MOB2: variants seen among roughly 807,000 people sequenced by gnomAD.
MOB2 encodes MOB kinase activator 2.
MOB2 carries 14 observed loss-of-function variants against 27.4 expected under a neutral mutation model. The observed-to-expected ratio is 0.51, with a 90% CI of 0.34 to 0.80. MOB2 has a LOEUF of 0.80. MOB2 is among the 30% of genes least tolerant of loss of function. MOB2 has a pLI of 0.01. For missense variants in MOB2, 304 were observed against 354.6 expected (o/e 0.86, Z 1.15); for synonymous variants, 167 against 151.8 (o/e 1.10, Z -0.74).
chr11:1,486,758 A>T lies in MOB2; in HGVS notation c.-202T>A. The T allele has an allele frequency of 1.5e-5, 7 of 476,668 alleles. No homozygotes were observed. Among genetic ancestry groups the T allele is most frequent in the East Asian group, 1.2e-4 (3 of 25,288 alleles). The allele number at this position is 476,668 out of a possible 1,614,324, so 29.5% of individuals were successfully genotyped here. ...GGAGCGTCTGAATTGGCCTTTTCCA[A>T]GTGGCATGGCTGCCAGAAGAGGCGG... On this transcript the variant is annotated 5_prime_UTR_variant, in exon 1 of 5. In the 5' UTR this introduces an upstream ATG that the reference lacks. Transcript: ENST00000329957.
chr11:1,476,306 A>G (rs567640984), intron 3 of MOB2, among the ~76,000 whole-genome samples: 10 of 152,166 alleles, frequency 6.6e-5, no homozygotes, highest in East Asian at 1.9e-4. Context: ...GGCACTGCCT[A>G]TCTTAGGCGA....
At position 1,469,770 on chromosome 11, in the gene MOB2, A is replaced by G. The variant is rs1847755915; in HGVS notation, c.*402T>C. The G allele has an allele frequency of 4.2e-6, 2 of 478,730 alleles. No individual in the cohort carries two copies. Among genetic ancestry groups the G allele is most frequent in the Non-Finnish European group, 8.3e-6 (2 of 242,240 alleles). 29.7% of individuals were successfully genotyped at this position (478,730 alleles called of 1,614,324 possible). On this transcript the variant is annotated 3_prime_UTR_variant, in exon 5 of 5. Transcript: ENST00000329957. ...CTCTGTGAAAGCAAGCCCCACCCCC[A>G]GAGCAGAGCAGAGACCCAGGTCTGC...
chr11:1,475,690 G>A (rs1041336237), intron 3 of MOB2, among the ~76,000 whole-genome samples: 2 of 152,180 alleles, frequency 1.3e-5, no homozygotes, highest in African/African-American at 2.4e-5. Flanking sequence ...ATGGCAACAC[G>A]CTGCTGCTCC....
chr11:1,472,473 C>T (rs1405246389), intron 3 of MOB2: 1 of 152,782 alleles, frequency 6.5e-6, no homozygotes, highest in Non-Finnish European at 1.5e-5. Context: ...ACTGAGCAAA[C>T]GCCCCCTCCA....
rs372431063 is a variant in MOB2, at chr11:1,477,865, A to G, written c.365+2528T>C. On this transcript the variant is annotated intron_variant, in intron 3 of 4. Transcript: ENST00000329957. ...AAAAATACATTCTCATAAGCTGCCCAGTCCCGTCTGTTCATCTGTTAGCAT... is the reference window on the plus strand; with the variant it reads ...AAAAATACATTCTCATAAGCTGCCCGGTCCCGTCTGTTCATCTGTTAGCAT... Among the ~76,000 whole-genome samples, 22 of 152,222 alleles carry G rather than the reference A, an allele frequency of 1.4e-4. 1 individual carries two copies. Among genetic ancestry groups the G allele is most frequent in the Admixed American group, 5.9e-4 (9 of 15,286 alleles).
intron 4 of MOB2, among the ~76,000 whole-genome samples, chr11:1,470,900 C>A (rs1243662185): frequency 6.6e-6 from 1 of 152,258 alleles, no homozygotes; most frequent in African/African-American, 2.4e-5. Context: ...TTGTCCCCTG[C>A]CGTCCCTCTG....
At chr11:1,477,596 CTG>C (rs1354426327) in intron 3 of MOB2, among the ~76,000 whole-genome samples, 2 of 152,194 alleles carry the variant, frequency 1.3e-5, no homozygotes, top group African/African-American at 4.8e-5. Context: ...CAAGAAGGTG[CTG>C]TCTGTGGACC....
chr11:1,475,053 A>T (rs1847837562), intron 3 of MOB2, among the ~76,000 whole-genome samples: 1 of 152,262 alleles, frequency 6.6e-6, no homozygotes, highest in Admixed American at 6.5e-5. Flanking sequence ...TCCAGGTGAT[A>T]AACGCAGTGC....
chr11:1,474,660 G>A (rs1048567770), intron 3 of MOB2, among the ~76,000 whole-genome samples: 2 of 152,088 alleles, frequency 1.3e-5, no homozygotes, highest in African/African-American at 2.4e-5. Flanking sequence ...GTTTGTGTGG[G>A]GCTGTCTCCG....
chr11:1,478,519 A>G (rs1847876735), intron 3 of MOB2, among the ~76,000 whole-genome samples: 1 of 152,066 alleles, frequency 6.6e-6, no homozygotes, highest in Admixed American at 6.5e-5. Flanking sequence ...TGGGTTTCTA[A>G]AAGTGCCACG....
intron 3 of MOB2, among the ~76,000 whole-genome samples, chr11:1,477,540 G>A (rs1847865248): frequency 6.6e-6 from 1 of 152,176 alleles, no homozygotes; most frequent in African/African-American, 2.4e-5. Flanking sequence ...AGGGTAGAAC[G>A]CTCATGAACA....
At chr11:1,471,578 C>T (rs986959702) in intron 3 of MOB2, 159 bp from the exon 4 acceptor site, 14 of 806,228 alleles carry the variant, frequency 1.7e-5, no homozygotes, top group Non-Finnish European at 2.7e-5. Flanking sequence ...ACTGTCCCCA[C>T]ACACTGTCTG....
intron 1 of MOB2, among the ~76,000 whole-genome samples, chr11:1,481,944 C>T (rs1482791332): frequency 1.3e-5 from 2 of 152,200 alleles, no homozygotes; most frequent in African/African-American, 4.8e-5. Context: ...GTGTAGCCTG[C>T]AGCCCCTCGC....
At chr11:1,480,952 C>T in intron 1 of MOB2, 67 bp from the exon 2 acceptor site, 1 of 1,524,516 alleles carries the variant, frequency 6.6e-7, no homozygotes, top group Non-Finnish European at 8.8e-7. Context: ...CCCGGGGGGT[C>T]AGTTGTGGCC....
rs932390994 is a variant in MOB2, at chr11:1,484,512, G to A, written c.110+1935C>T. 3.9e-5 allele frequency among the ~76,000 whole-genome samples: 6 copies of A among 152,094 alleles called. No homozygotes were observed. In the East Asian group the frequency reaches 7.8e-4, roughly 20 times the overall value. ...CCAGTGACCCCTTCCCCCAAGACCCGGCCAGGCAGAGCCCCCAGTAGCCAC... is the reference window on the plus strand; with the variant it reads ...CCAGTGACCCCTTCCCCCAAGACCCAGCCAGGCAGAGCCCCCAGTAGCCAC... On this transcript the variant is annotated intron_variant, in intron 1 of 4. Coordinates refer to ENST00000329957, the MANE Select transcript of MOB2 (RefSeq NM_001172223.3).
chr11:1,480,403 C>A lies in MOB2; in HGVS notation c.355G>T (p.Val119Leu). 6.2e-7 allele frequency: 1 copy of A among 1,613,474 alleles called. No homozygotes were observed. Among genetic ancestry groups the A allele is most frequent in the Non-Finnish European group, 8.5e-7 (1 of 1,179,754 alleles). Reference sequence around the variant, plus strand: ...CCAGGCAGCACTCACGTGTTGCACACGGCCATCGTCTGACACGTCTCTCCT... The same window carrying A: ...CCAGGCAGCACTCACGTGTTGCACAAGGCCATCGTCTGACACGTCTCTCCT... The part of the protein sequence containing the change: ...CTGETCQTMA[V>L]CNTQYYWYDE... Residue 119 changes from valine (V) to leucine (L), a missense_variant, in exon 3 of 5, where the codon GTG (valine) becomes TTG (leucine). Val to Leu is a conservative substitution (Grantham distance 32). Transcript: ENST00000329957.
intron 1 of MOB2, among the ~76,000 whole-genome samples, chr11:1,484,829 C>T (rs1847953724): frequency 2.6e-5 from 4 of 152,306 alleles, no homozygotes. Context: ...CTCAGCACAG[C>T]CTGCACTGCC....
In MOB2 at chr11:1,469,808, C is replaced by A. The variant is rs768040168; in HGVS notation, c.*364G>T. 9.6e-6 allele frequency: 5 copies of A among 521,334 alleles called. No individual in the cohort carries two copies. Among genetic ancestry groups the A allele is most frequent in the South Asian group, 6.1e-5 (4 of 65,164 alleles). 32.3% of individuals were successfully genotyped at this position (521,334 alleles called of 1,614,324 possible). On this transcript the variant is annotated 3_prime_UTR_variant, in exon 5 of 5. Transcript: ENST00000329957. ...GACCCAGGTCTGCAAATCACACCCT[C>A]CCCCCACGAGTTCCTCCTTTGAGGC... is the stretch of plus-strand genomic sequence containing the variant.
At chr11:1,479,268 A>G (rs573158830) in intron 3 of MOB2, among the ~76,000 whole-genome samples, 1 of 152,228 alleles carries the variant, frequency 6.6e-6, no homozygotes, top group East Asian at 1.9e-4. Flanking sequence ...CAGTGGACAC[A>G]AGGCTCTCGA....
Sources: allele counts gnomAD v4.1 joint callset (sites outside exome capture counted in the v4.1 genomes callset), GRCh38; gene constraint gnomAD v4.1.1; transcripts MANE v1.5; gene names NCBI Gene and HGNC (gene_info 2026-07-23, HGNC 2026-07-21).